The following ZNF800 variants were observed in gnomAD, a reference collection of about 807,000 sequenced individuals.
ZNF800 encodes the protein zinc finger protein 800.
ZNF800 carries 13 observed loss-of-function variants against 59.5 expected under a neutral mutation model. The ratio of observed to expected loss-of-function variants is 0.22; its 90% CI spans 0.14 to 0.35. ZNF800 has a LOEUF of 0.35. Ranked by LOEUF, ZNF800 falls within the 10% of genes least tolerant of loss-of-function variation. ZNF800 has a pLI of 1.00. For missense variants in ZNF800, 621 were observed against 783.7 expected, an observed-to-expected ratio of 0.79 and a Z score of 2.48; for synonymous variants, 266 against 265.7, an observed-to-expected ratio of 1.00 and a Z score of -0.01.
At position 127,370,587 on chromosome 7, in the gene ZNF800, T is replaced by C. The variant is rs1800609770; in HGVS notation, c.*1227A>G. 1 of 152,554 alleles carries C rather than the reference T, an allele frequency of 6.6e-6. No homozygotes were observed. Among genetic ancestry groups the C allele is most frequent in the Admixed American group, 6.5e-5 (1 of 15,272 alleles). The allele number at this position is 152,554 out of a possible 1,614,324, so 9.5% of individuals were successfully genotyped here. A position where few individuals can be genotyped will look rare whatever the true frequency, so the allele number is the denominator to read the frequency against. The stretch of plus-strand genomic sequence containing the variant: ...TTTAAAATTTTATACAAAAAGTATA[T>C]AGATGGACAGGGTCCCTCCTAAGTA... On this transcript the variant is annotated 3_prime_UTR_variant, in exon 6 of 6. Transcript: ENST00000265827.
At chr7:127,389,625 T>C (rs1043839685) in intron 2 of ZNF800, among the ~76,000 whole-genome samples, 21 of 152,220 alleles carry the variant, frequency 1.4e-4, no homozygotes, top group African/African-American at 4.8e-4. Flanking sequence ...TGAACTACTC[T>C]ATAAGTTAAC....
chr7:127,359,721 A>G (rs1800358856), intron 1 of ZNF800: 1 of 151,340 alleles, frequency 6.6e-6, no homozygotes, highest in Non-Finnish European at 1.5e-5. Context: ...CGGAAATGAG[A>G]AATTACTTTT....
chr7:127,381,671 C>T (rs905799562), intron 3 of ZNF800, among the ~76,000 whole-genome samples: 2 of 151,756 alleles, frequency 1.3e-5, no homozygotes, highest in African/African-American at 2.4e-5. Flanking sequence ...GTCTTGGGAA[C>T]GTAACACCAG....
chr7:127,385,203 T>C (rs1365667815), intron 3 of ZNF800, among the ~76,000 whole-genome samples: 2 of 152,196 alleles, frequency 1.3e-5, no homozygotes, highest in Admixed American at 6.5e-5. Context: ...AAATTTTTCA[T>C]TCAGTTAGTT....
At chr7:127,356,558 G>C (rs1800274464) in intron 1 of ZNF800, among the ~76,000 whole-genome samples, 1 of 151,480 alleles carries the variant, frequency 6.6e-6, no homozygotes, top group African/African-American at 2.4e-5. Context: ...GAATATAGAG[G>C]CTTGCCAGGA....
rs1210864616 is a variant in ZNF800, at chr7:127,371,502, A to G, written c.*312T>C. On this transcript the variant is annotated 3_prime_UTR_variant, in exon 6 of 6. Coordinates refer to ENST00000265827, the MANE Select transcript of ZNF800 (RefSeq NM_176814.5). ...TCACTTAATCAACAAATTGTTTAGAAAACAAAATTTGTAACATTTTTGTAG... is the reference window on the plus strand; with the variant it reads ...TCACTTAATCAACAAATTGTTTAGAGAACAAAATTTGTAACATTTTTGTAG... 1 of 250,082 alleles carries G rather than the reference A, an allele frequency of 4.0e-6. No homozygotes were observed. The highest frequency in any genetic ancestry group is 7.6e-6 in the Non-Finnish European group (1 of 132,042). 15.5% of individuals were successfully genotyped at this position (250,082 alleles called of 1,614,324 possible).
chr7:127,366,984 C>T (rs533044823), downstream of ZNF800, among the ~76,000 whole-genome samples: 1 of 152,178 alleles, frequency 6.6e-6, no homozygotes, highest in African/African-American at 2.4e-5. Context: ...GAGGGTGGAA[C>T]GAGGCAGTTA....
chr7:127,347,975 G>A (rs1800100502), exon 2 of ZNF800: 1 of 149,570 alleles, frequency 6.7e-6, no homozygotes, highest in African/African-American at 2.4e-5. Context: ...GGCGCCCGCG[G>A]GCAGGCAGCG....
At chr7:127,391,863 G>C (rs28729203) in intron 1 of ZNF800, among the ~76,000 whole-genome samples, 197 bp downstream of exon 1, 2 of 151,488 alleles carry the variant, frequency 1.3e-5, no homozygotes, top group African/African-American at 4.8e-5. Flanking sequence ...CCGGCAGCGC[G>C]GGCGGCTGCG....
intron 1 of ZNF800, chr7:127,364,252 G>C (rs1023879395): frequency 6.6e-6 from 1 of 152,132 alleles, no homozygotes; most frequent in African/African-American, 2.4e-5. Context: ...TGACCTTCAA[G>C]TGAACTTTCA....
rs919880195 is a variant in ZNF800, at chr7:127,392,198, C to A, written c.-197G>T. 5.1e-6 allele frequency: 2 copies of A among 394,568 alleles called. No individual in the cohort carries two copies. Among genetic ancestry groups the A allele is most frequent in the African/African-American group, 4.1e-5 (2 of 48,404 alleles). 24.4% of individuals were successfully genotyped at this position (394,568 alleles called of 1,614,324 possible). On this transcript the variant is annotated 5_prime_UTR_variant, in exon 1 of 6. Transcript: ENST00000265827. ...CTGACCACGCGGGGGAACCCGGACT[C>A]GGGCCCGACGCGCTCCCAAAGAGTC...
intron 2 of ZNF800, among the ~76,000 whole-genome samples, chr7:127,388,484 G>T (rs927262011): frequency 1.3e-5 from 2 of 152,176 alleles, no homozygotes; most frequent in African/African-American, 4.8e-5. Flanking sequence ...TTCAAAGTCT[G>T]CCTCTATCAG....
rs529052174 is a variant in ZNF800, at chr7:127,359,426, T to C, written n.225-11383A>G. Among the ~76,000 whole-genome samples, 189 of 152,180 alleles carry C rather than the reference T, an allele frequency of 1.2e-3. 3 individuals are homozygous for C. The South Asian group carries it at 0.037, about 30-fold the overall frequency. Reference sequence around the variant, plus strand: ...ACTATTTCCACCTCTGTATGCAACATACCAAATTAAAATTCTAGCAAAGAG... The same window carrying C: ...ACTATTTCCACCTCTGTATGCAACACACCAAATTAAAATTCTAGCAAAGAG... On this transcript the variant is annotated intron_variant and non_coding_transcript_variant, in intron 1 of 1. Transcript: ENST00000485577.
intron 1 of ZNF800, among the ~76,000 whole-genome samples, chr7:127,352,383 C>T (rs973762455): frequency 6.7e-6 from 1 of 148,252 alleles, no homozygotes; most frequent in African/African-American, 2.5e-5. Flanking sequence ...GTCTATAATA[C>T]CTCTGTAAGA....
downstream of ZNF800, among the ~76,000 whole-genome samples, chr7:127,342,886 C>G (rs936286165): frequency 3.9e-5 from 6 of 152,036 alleles, no homozygotes; most frequent in African/African-American, 1.5e-4. Flanking sequence ...AAAATCAGCT[C>G]TTTATTAAAG....
chr7:127,346,053 G>A (rs1800058057), downstream of ZNF800, among the ~76,000 whole-genome samples: 1 of 152,166 alleles, frequency 6.6e-6, no homozygotes, highest in African/African-American at 2.4e-5. Context: ...TCCTTGAAAA[G>A]GCAAGGGGGC....
At chr7:127,388,498 C>A (rs1801209934) in intron 2 of ZNF800, among the ~76,000 whole-genome samples, 1 of 152,090 alleles carries the variant, frequency 6.6e-6, no homozygotes, top group Non-Finnish European at 1.5e-5. Context: ...CTATCAGTTA[C>A]AAGAATTCTA....
Position 127,391,481 on chromosome 7 carries a change from A to C in ZNF800, c.61+16T>G. On this transcript the variant is annotated intron_variant, in intron 2 of 5. Transcript: ENST00000265827. ...CTGATGGAGGGCAAAGCAACTGCGG[A>C]CGAAGAGGGGTCTACCTGGTTCACA... 1 of 1,614,042 alleles carries C rather than the reference A, an allele frequency of 6.2e-7. No homozygotes were observed. Among genetic ancestry groups the C allele is most frequent in the Non-Finnish European group, 8.5e-7 (1 of 1,179,902 alleles).
Position 127,392,042 on chromosome 7 carries a change from C to T in ZNF800, c.-59+18G>A. 1 of 388,734 alleles carries T rather than the reference C, an allele frequency of 2.6e-6. No homozygotes were observed. Among genetic ancestry groups the T allele is most frequent in the African/African-American group, 2.1e-5 (1 of 48,188 alleles). The allele number at this position is 388,734 out of a possible 1,614,324, so 24.1% of individuals were successfully genotyped here. ...CTGGCGGAGACCCCGTCCCCACAAC[C>T]AAGTGCGCCCAACTTACTCAACTCT... is the stretch of plus-strand genomic sequence containing the variant. On this transcript the variant is annotated intron_variant, in intron 1 of 5. Transcript: ENST00000265827.
Sources: gnomAD v4.1 joint callset for allele counts (sites outside exome capture counted in the v4.1 genomes callset) on GRCh38, gnomAD v4.1.1 for gene constraint, MANE v1.5 for transcripts, NCBI Gene and HGNC (gene_info 2026-07-23, HGNC 2026-07-21) for gene names.